Variants in TBC1D15 observed in about 807,000 individuals in gnomAD.
TBC1D15 encodes GAP for RAB7.
A neutral mutation model predicts 95.4 loss-of-function variants in TBC1D15; 39 were observed. The ratio of observed to expected loss-of-function variants is 0.41; its 90% confidence interval spans 0.32 to 0.53. TBC1D15 has a LOEUF of 0.53. TBC1D15 is among the 20% of genes least tolerant of loss of function. The pLI, the probability that TBC1D15 is intolerant of heterozygous loss-of-function variation, is 0.29. For missense variants in TBC1D15, 733 were observed against 794.3 expected, an observed-to-expected ratio of 0.92 and a Z score of 0.93; for synonymous variants, 258 against 261.3, an observed-to-expected ratio of 0.99 and a Z score of 0.12.
At chr12:71,856,542 A>C (rs989508734) in intron 1 of TBC1D15, among the ~76,000 whole-genome samples, 3 of 151,726 alleles carry the variant, frequency 2.0e-5, no homozygotes, top group Admixed American at 2.0e-4. Context: ...TGTAATTTCC[A>C]TTGACCTTTA....
At chr12:71,877,204 G>GTT (rs775138713) in intron 3 of TBC1D15, among the ~76,000 whole-genome samples, 6,084 of 138,296 alleles carry the variant, frequency 0.044, 156 homozygotes, top group South Asian at 0.11. Context: ...GTGTGTGTGT[G>GTT]TGTGTGTTTT....
intron 1 of TBC1D15, among the ~76,000 whole-genome samples, chr12:71,843,237 C>A (rs1003869147): frequency 1.3e-5 from 2 of 152,070 alleles, no homozygotes; most frequent in Non-Finnish European, 2.9e-5. Context: ...GCCACTTGTT[C>A]AGACTGGGCG....
intron 1 of TBC1D15, among the ~76,000 whole-genome samples, chr12:71,840,703 A>G (rs942314559): frequency 3.3e-5 from 5 of 152,230 alleles, no homozygotes; most frequent in African/African-American, 1.2e-4. Flanking sequence ...CATTGCAGAT[A>G]GCGTCCTCTG....
chr12:71,861,468 C>T, intron 1 of TBC1D15: 1 of 1,534,936 alleles, frequency 6.5e-7, no homozygotes, highest in Non-Finnish European at 8.8e-7. Context: ...TATCCATACT[C>T]CAGTTTGTTG....
At chr12:71,917,169 A>G (rs899225638) in intron 12 of TBC1D15, among the ~76,000 whole-genome samples, 8 of 152,180 alleles carry the variant, frequency 5.3e-5, no homozygotes, top group Non-Finnish European at 8.8e-5. Context: ...ATCACACATC[A>G]TACAGCCTTT....
In TBC1D15 at chr12:71,873,683, A is replaced by G. The variant is rs183402807; in HGVS notation, c.204+680A>G. Among the ~76,000 whole-genome samples the G allele has an allele frequency of 5.6e-4, 86 of 152,340 alleles. 1 individual carries two copies. In the East Asian group the frequency reaches 0.016, roughly 28 times the overall value. The stretch of plus-strand genomic sequence containing the variant: ...CAGCTGCATCATTTTCTAATCCAGC[A>G]GTATATGAGGATTCCAATTTGTCTA... On this transcript the variant is annotated intron_variant, in intron 3 of 16. Transcript: ENST00000485960.
chr12:71,884,939 G>A lies in TBC1D15; in HGVS notation c.472G>A (p.Val158Ile), dbSNP rs149981863. The change falls in exon 5 of 17, where the codon GTC becomes ATC. Residue 158 changes from valine (V) to isoleucine (I), a missense_variant. Physicochemically the swap from Val to Ile is conservative, Grantham distance 29 (BLOSUM62 3). Transcript: ENST00000485960. ...SYLVFCLKDD[V>I]VLPALHFHQG... ...TTTGGTATTCTGTCTAAAGGATGAC[G>A]TCGTTCTCCCTGCTCTACACTTTCA... 5 of 1,613,934 alleles carry A rather than the reference G, an allele frequency of 3.1e-6. No homozygotes were observed. Among genetic ancestry groups the A allele is most frequent in the Non-Finnish European group, 4.2e-6 (5 of 1,179,936 alleles).
chr12:71,892,938 T>A (rs960550610), intron 5 of TBC1D15, among the ~76,000 whole-genome samples: 9 of 151,788 alleles, frequency 5.9e-5, no homozygotes, highest in African/African-American at 2.2e-4. Flanking sequence ...TCATTCCAGT[T>A]TAATCCTTTT....
In TBC1D15 at chr12:71,857,110, T is replaced by A. The variant is rs183866600; in HGVS notation, c.31-14960T>A. On this transcript the variant is annotated intron_variant, in intron 1 of 16. Coordinates refer to ENST00000485960, the MANE Select transcript of TBC1D15 (RefSeq NM_001146213.3). ...AAATTTAATTTTTTTAAATTTATTATTTTTTTTCTTAAGAGATGGGGGTGG... is the reference window on the plus strand; with the variant it reads ...AAATTTAATTTTTTTAAATTTATTAATTTTTTTCTTAAGAGATGGGGGTGG... Among the ~76,000 whole-genome samples the A allele has an allele frequency of 5.4e-3, 827 of 151,948 alleles. 6 individuals carry two copies. Among genetic ancestry groups the A allele is most frequent in the African/African-American group, 0.019 (803 of 41,508 alleles).
At chr12:71,894,619 C>T (rs1265520698) in intron 6 of TBC1D15, 67 bp from the exon 7 acceptor site, 2 of 1,392,386 alleles carry the variant, frequency 1.4e-6, no homozygotes, top group Non-Finnish European at 2.0e-6. Context: ...CTTTTTTGCT[C>T]ATGATGGAGT....
chr12:71,912,785 A>G (rs1902718239), intron 11 of TBC1D15, among the ~76,000 whole-genome samples: 1 of 152,106 alleles, frequency 6.6e-6, no homozygotes, highest in African/African-American at 2.4e-5. Context: ...CAAGCTACCA[A>G]TAAAGAAATT....
intron 11 of TBC1D15, 45 bp from the exon 12 acceptor site, chr12:71,913,781 C>T (rs762196058): frequency 2.2e-6 from 3 of 1,362,984 alleles, no homozygotes; most frequent in Admixed American, 2.3e-5. Context: ...CAGAAGGTTA[C>T]ATAAAACTTG....
At chr12:71,844,522 A>G (rs1885838601) in intron 1 of TBC1D15, among the ~76,000 whole-genome samples, 1 of 152,194 alleles carries the variant, frequency 6.6e-6, no homozygotes, top group Non-Finnish European at 1.5e-5. Context: ...CGCTCTAAGT[A>G]AGTTTTCCTG....
At chr12:71,917,140 G>T (rs1903901949) in intron 12 of TBC1D15, among the ~76,000 whole-genome samples, 2 of 152,024 alleles carry the variant, frequency 1.3e-5, no homozygotes, top group Non-Finnish European at 2.9e-5. Context: ...ATTTGCTTCT[G>T]TGTTCAGTCT....
At chr12:71,917,348 GGAAA>G (rs1903952258) in intron 12 of TBC1D15, among the ~76,000 whole-genome samples, 1 of 152,118 alleles carries the variant, frequency 6.6e-6, no homozygotes, top group Non-Finnish European at 1.5e-5. Flanking sequence ...ATTTAACAAT[GGAAA>G]GAATTTGATA....
In TBC1D15 at chr12:71,918,617, T is replaced by C. The variant is rs111888776; in HGVS notation, c.1599+69T>C. 2,514 of 1,026,312 alleles carry C rather than the reference T, an allele frequency of 2.4e-3. 20 individuals carry two copies. The highest frequency in any genetic ancestry group is 0.021 in the African/African-American group (1,230 of 59,096). The allele number at this position is 1,026,312 out of a possible 1,614,324, so 63.6% of individuals were successfully genotyped here. A position where few individuals can be genotyped will look rare whatever the true frequency, so the allele number is the denominator to read the frequency against. On this transcript the variant is annotated intron_variant, in intron 14 of 16. Coordinates refer to ENST00000485960, the MANE Select transcript of TBC1D15 (RefSeq NM_001146213.3). Reference sequence around the variant, plus strand: ...AAGAAACAATTTATTCTGTAGAGTGTAAATGAATTATGATAGCCTTACTGA... The same window carrying C: ...AAGAAACAATTTATTCTGTAGAGTGCAAATGAATTATGATAGCCTTACTGA...
At position 71,923,061 on chromosome 12, in the gene TBC1D15, G is replaced by A. The variant is rs753822163; in HGVS notation, c.1882G>A (p.Asp628Asn). 6.2e-7 allele frequency: 1 copy of A among 1,614,206 alleles called. No individual in the cohort carries two copies. The highest frequency in any genetic ancestry group is 8.5e-7 in the Non-Finnish European group (1 of 1,180,026). Residue 628 changes from aspartate to asparagine, a missense_variant, in exon 17 of 17, where the codon GAC becomes AAC. Asp to Asn is a conservative substitution (Grantham distance 23). Coordinates refer to ENST00000485960, the MANE Select transcript of TBC1D15 (RefSeq NM_001146213.3). ...VTTPDSDVGE[D>N]ENVVMTPCPT... ...AACACCAGATTCAGACGTTGGTGAAGACGAAAATGTTGTCATGACTCCTTG... is the reference window on the plus strand; with the variant it reads ...AACACCAGATTCAGACGTTGGTGAAAACGAAAATGTTGTCATGACTCCTTG...
At chr12:71,890,721 G>C (rs12302711) in intron 5 of TBC1D15, among the ~76,000 whole-genome samples, 16,626 of 152,098 alleles carry the variant, frequency 0.11, 1,074 homozygotes, top group African/African-American at 0.16. Flanking sequence ...TGCAACATAG[G>C]CCATCTTGAC....
At chr12:71,918,999 A>G (rs1868308686) in intron 14 of TBC1D15, among the ~76,000 whole-genome samples, 1 of 152,072 alleles carries the variant, frequency 6.6e-6, no homozygotes, top group South Asian at 2.1e-4. Context: ...GGTAAATTGC[A>G]TGTTGCTGAG....
Sources: allele counts gnomAD v4.1 joint callset (sites outside exome capture counted in the v4.1 genomes callset), GRCh38; gene constraint gnomAD v4.1.1; transcripts MANE v1.5; gene names NCBI Gene and HGNC (gene_info 2026-07-23, HGNC 2026-07-21).